The following PDE4D variants were observed in gnomAD, a reference collection of about 807,000 sequenced individuals.
The protein encoded by PDE4D is phosphodiesterase 4D.
In PDE4D, 24 loss-of-function variants were observed where a neutral mutation model predicts 87.4. That is an observed-to-expected ratio of 0.27 (90% CI 0.20 to 0.39). PDE4D has a LOEUF of 0.39. Among genes scored for constraint, PDE4D ranks in the 10% least tolerant of loss-of-function variants. The pLI is 1.00. For missense variants in PDE4D, 714 were observed against 1,041.0 expected, an observed-to-expected ratio of 0.69 and a Z score of 4.32; for synonymous variants, 384 against 383.2, an observed-to-expected ratio of 1.00 and a Z score of -0.02.
intron 1 of PDE4D, among the ~76,000 whole-genome samples, chr5:59,501,631 G>A (rs183322906): frequency 2.5e-4 from 38 of 152,222 alleles, no homozygotes; most frequent in South Asian, 6.2e-4. Context: ...CAGCAGTTGT[G>A]TACAATAATA....
chr5:60,519,550 T>C (rs947453183), intron 1 of PDE4D, among the ~76,000 whole-genome samples: 1 of 152,186 alleles, frequency 6.6e-6, no homozygotes, highest in African/African-American at 2.4e-5. Flanking sequence ...GGTGTACTAA[T>C]GCACACCAAT....
At chr5:60,223,496 C>T (rs533508703) in intron 1 of PDE4D, among the ~76,000 whole-genome samples, 7 of 152,188 alleles carry the variant, frequency 4.6e-5, no homozygotes, top group South Asian at 2.1e-4. Context: ...GTTCATCAGG[C>T]TCATGATGAC....
At chr5:59,299,781 G>A (rs746554087) in intron 1 of PDE4D, among the ~76,000 whole-genome samples, 5 of 152,008 alleles carry the variant, frequency 3.3e-5, no homozygotes, top group Non-Finnish European at 5.9e-5. Context: ...GAAATAAAAC[G>A]CCATGGGGTA....
intron 2 of PDE4D, among the ~76,000 whole-genome samples, chr5:60,061,502 C>G (rs1429625445): frequency 1.3e-5 from 2 of 152,140 alleles, no homozygotes; most frequent in Admixed American, 1.3e-4. Flanking sequence ...AATGGCCATA[C>G]AGCCCAAAGT....
chr5:59,135,937 C>T (rs913638888), intron 5 of PDE4D, among the ~76,000 whole-genome samples: 4 of 151,046 alleles, frequency 2.6e-5, no homozygotes, highest in Admixed American at 6.6e-5. Flanking sequence ...CACCGAATGC[C>T]AGGAAAAACA....
chr5:59,886,610 A>G (rs1202755399), intron 1 of PDE4D, among the ~76,000 whole-genome samples: 1 of 152,220 alleles, frequency 6.6e-6, no homozygotes, highest in East Asian at 1.9e-4. Context: ...GTTTGAAAAG[A>G]TATTCATGAG....
At chr5:59,278,836 C>T (rs1394560555) in intron 1 of PDE4D, among the ~76,000 whole-genome samples, 1 of 152,054 alleles carries the variant, frequency 6.6e-6, no homozygotes, top group Non-Finnish European at 1.5e-5. Context: ...CCCGATACAA[C>T]TTGGCAACAC....
chr5:60,280,313 C>CATATATAT (rs202013022), intron 1 of PDE4D, among the ~76,000 whole-genome samples: 3 of 121,712 alleles, frequency 2.5e-5, no homozygotes, highest in Non-Finnish European at 5.5e-5. Context: ...TATATACATA[C>CATATATAT]ATATATATAT....
chr5:59,525,863 C>T (rs868271488), intron 1 of PDE4D, among the ~76,000 whole-genome samples: 2 of 152,180 alleles, frequency 1.3e-5, no homozygotes, highest in East Asian at 1.9e-4. Context: ...TGAATAAGAA[C>T]GTGTTTGTTT....
intron 5 of PDE4D, among the ~76,000 whole-genome samples, chr5:59,121,180 G>A (rs10075171): frequency 0.47 from 70,931 of 152,022 alleles, 16,820 homozygotes; most frequent in South Asian, 0.53. Flanking sequence ...CAGGCCACAC[G>A]ACCAAAAATA....
chr5:60,195,460 G>A (rs1295830869), intron 1 of PDE4D, among the ~76,000 whole-genome samples: 2 of 151,740 alleles, frequency 1.3e-5, no homozygotes, highest in Non-Finnish European at 2.9e-5. Flanking sequence ...AGCACATTTT[G>A]TCTCCAGACT....
intron 1 of PDE4D, among the ~76,000 whole-genome samples, chr5:60,314,707 G>A (rs989491129): frequency 1.3e-5 from 2 of 151,482 alleles, no homozygotes; most frequent in Admixed American, 1.3e-4. Context: ...TCATTGTTCA[G>A]TTCCCACCTA....
intron 11 of PDE4D, among the ~76,000 whole-genome samples, chr5:58,980,107 A>G (rs973267005): frequency 6.6e-6 from 1 of 152,194 alleles, no homozygotes; most frequent in Non-Finnish European, 1.5e-5. Context: ...TTTTAAGGCT[A>G]TGTTCCATTC....
chr5:59,931,332 T>C (rs531657908), intron 3 of PDE4D, among the ~76,000 whole-genome samples: 1 of 152,298 alleles, frequency 6.6e-6, no homozygotes, highest in South Asian at 2.1e-4. Flanking sequence ...GCTACAAAAA[T>C]TTGTGTATGT....
intron 5 of PDE4D, chr5:59,157,502 T>C: frequency 1.6e-6 from 1 of 616,064 alleles, no homozygotes; most frequent in Non-Finnish European, 2.9e-6. Flanking sequence ...GAATATTCAT[T>C]TCAAATTATA....
At chr5:59,854,040 A>G (rs1745053447) in intron 1 of PDE4D, among the ~76,000 whole-genome samples, 2 of 152,088 alleles carry the variant, frequency 1.3e-5, no homozygotes, top group Admixed American at 1.3e-4. Context: ...TCTCAAAAGT[A>G]TAATTATTGG....
intron 2 of PDE4D, among the ~76,000 whole-genome samples, chr5:59,992,264 T>C (rs1216790667): frequency 6.6e-6 from 1 of 152,226 alleles, no homozygotes; most frequent in Non-Finnish European, 1.5e-5. Flanking sequence ...AACATGCTTC[T>C]ACAGAGTGAT....
At chr5:59,403,302 C>T (rs1367546548) in intron 1 of PDE4D, among the ~76,000 whole-genome samples, 2 of 152,034 alleles carry the variant, frequency 1.3e-5, no homozygotes, top group African/African-American at 4.8e-5. Flanking sequence ...AAGTTACAAA[C>T]AATTCAATTA....
intron 1 of PDE4D, among the ~76,000 whole-genome samples, chr5:59,827,953 T>A (rs1452614389): frequency 6.6e-6 from 1 of 152,158 alleles, no homozygotes; most frequent in Admixed American, 6.6e-5. Flanking sequence ...ATATTGTATT[T>A]GTTAACTTAT....
Sources: gnomAD v4.1 joint callset for allele counts (sites outside exome capture counted in the v4.1 genomes callset) on GRCh38, gnomAD v4.1.1 for gene constraint, MANE v1.5 for transcripts, NCBI Gene and HGNC (gene_info 2026-07-23, HGNC 2026-07-21) for gene names.